The following ATP23 variants were observed in gnomAD, a reference collection of about 807,000 sequenced individuals.
ATP23 encodes the protein ATP23 metallopeptidase and ATP synthase assembly factor homolog, also known as mitochondrial inner membrane protease ATP23 homolog.
Under a neutral mutation model 28.5 loss-of-function variants are expected in ATP23, and 24 were observed. That is an observed-to-expected ratio of 0.84 (90% CI 0.61 to 1.18). The LOEUF is 1.18. Ranked by LOEUF, ATP23 falls within the 50% of genes most tolerant of loss-of-function variation. ATP23 has a pLI of 0.00. For missense variants in ATP23, 274 were observed against 306.4 expected (o/e 0.89, Z 0.79); for synonymous variants, 99 against 108.6 (o/e 0.91, Z 0.55).
chr12:57,956,370 G>T (rs143683495), intron 5 of ATP23, among the ~76,000 whole-genome samples: 1,667 of 145,160 alleles, frequency 0.011, 36 homozygotes, highest in African/African-American at 0.04. Context: ...TTTTTTTTTG[G>T]CGAGTTTGCA....
chr12:57,942,906 T>C (rs1156763517), intron 1 of ATP23, among the ~76,000 whole-genome samples: 2 of 152,210 alleles, frequency 1.3e-5, no homozygotes, highest in Non-Finnish European at 2.9e-5. Flanking sequence ...TTCCTTTACA[T>C]TGACATAGAC....
chr12:57,955,319 G>C (rs951720312), intron 5 of ATP23, among the ~76,000 whole-genome samples: 2 of 142,260 alleles, frequency 1.4e-5, no homozygotes, highest in Admixed American at 1.4e-4. Context: ...CTTTGTGATA[G>C]GTTTGTGATG....
At chr12:57,948,606 A>G (rs1304482455) in intron 3 of ATP23, among the ~76,000 whole-genome samples, 1 of 152,078 alleles carries the variant, frequency 6.6e-6, no homozygotes, top group Middle Eastern at 3.2e-3. Flanking sequence ...GAAAATTTTT[A>G]TTATGAAGTA....
Position 57,941,679 on chromosome 12 carries a change from C to T in ATP23, c.-23C>T. The T allele has an allele frequency of 1.3e-6, 2 of 1,598,186 alleles. No individual in the cohort carries two copies. The highest frequency in any genetic ancestry group is 1.7e-6 in the Non-Finnish European group (2 of 1,172,990). On this transcript the variant is annotated 5_prime_UTR_variant, in exon 1 of 6. Transcript: ENST00000300145. Reference sequence around the variant, plus strand: ...TCTGGCCGCCTGAGCCAGGAGGAAGCAGCGGCGAGGTCTGCGGGAGGCATG... The same window carrying T: ...TCTGGCCGCCTGAGCCAGGAGGAAGTAGCGGCGAGGTCTGCGGGAGGCATG...
At chr12:57,947,165 G>A (rs1956770751) in intron 3 of ATP23, 89 bp downstream of exon 3, 1 of 1,275,830 alleles carries the variant, frequency 7.8e-7, no homozygotes, top group Non-Finnish European at 1.1e-6. Flanking sequence ...CATTCTGTTT[G>A]GTAGACTTTA....
chr12:57,944,773 G>C (rs34238095), intron 1 of ATP23, among the ~76,000 whole-genome samples: 19,602 of 152,256 alleles, frequency 0.13, 2,184 homozygotes, highest in African/African-American at 0.3. Context: ...CTTGAAAGTA[G>C]TGTGGTCCTA....
rs758073911 is a variant in ATP23 at position 57,956,705 on chromosome 12, G to A, written c.556G>A (p.Ala186Thr). ...QHHQTCVRDR[A>T]TLSILAVRNI... The stretch of plus-strand genomic sequence containing the variant: ...TTTTTAGACTTGTGTGCGAGACAGA[G>A]CCACTCTTTCTATCCTGGCTGTTAG... Residue 186 changes from alanine to threonine, a missense_variant, in exon 6 of 6, where the codon GCC becomes ACC. Ala to Thr is a moderately conservative substitution (Grantham distance 58). Transcript: ENST00000300145. 8.7e-6 allele frequency: 14 copies of A among 1,613,314 alleles called. 1 individual carries two copies. The South Asian group carries it at 1.5e-4, about 18-fold the overall frequency.
chr12:57,946,117 C>T (rs776354457), intron 2 of ATP23, among the ~76,000 whole-genome samples: 13 of 152,130 alleles, frequency 8.5e-5, no homozygotes, highest in Admixed American at 2.6e-4. Flanking sequence ...CCACCCACCT[C>T]GGCCTCCCAA....
chr12:57,941,705 G>A lies in ATP23; in HGVS notation c.4G>A (p.Ala2Thr). Residue 2 changes from alanine to threonine, a missense_variant, in exon 1 of 6, where the codon GCG becomes ACG. Transcript: ENST00000300145. ...AGCGGCGAGGTCTGCGGGAGGCATG[G>A]CGGGAGCTCCGGACGAGCGCCGGCG... M[A>T]GAPDERRRGP... 6.2e-7 allele frequency: 1 copy of A among 1,603,948 alleles called. No homozygotes were observed. Among genetic ancestry groups the A allele is most frequent in the South Asian group, 1.1e-5 (1 of 89,960 alleles).
chr12:57,946,949 A>G (rs1436148569), intron 2 of ATP23, 46 bp from the exon 3 acceptor site: 2 of 1,590,836 alleles, frequency 1.3e-6, no homozygotes, highest in Non-Finnish European at 1.7e-6. Flanking sequence ...GCTGTTTGCC[A>G]CATACACACT....
rs1048238322 is a variant in ATP23, at chr12:57,958,568, C to G, written c.*1678C>G. ...ACGGTTCACATCACAGGATTCTGTG[C>G]AGGCAACCCCCAGTACCAGCATGGA... On this transcript the variant is annotated 3_prime_UTR_variant, in exon 6 of 6. Transcript: ENST00000300145. Among the ~76,000 whole-genome samples the G allele has an allele frequency of 2.6e-5, 4 of 152,214 alleles. No homozygotes were observed. Among genetic ancestry groups the G allele is most frequent in the East Asian group, 3.9e-4 (2 of 5,188 alleles).
intron 1 of ATP23, among the ~76,000 whole-genome samples, chr12:57,944,740 T>G (rs1277390008): frequency 6.6e-6 from 1 of 152,234 alleles, no homozygotes; most frequent in African/African-American, 2.4e-5. Flanking sequence ...CTGAATCTAG[T>G]CCCACATGGC....
At chr12:57,955,141 C>T (rs1181013852) in intron 5 of ATP23, among the ~76,000 whole-genome samples, 3 of 151,736 alleles carry the variant, frequency 2.0e-5, no homozygotes, top group Non-Finnish European at 2.9e-5. Flanking sequence ...TTATGGATAT[C>T]TGCTCTTGTC....
chr12:57,941,792 C>T lies in ATP23; in HGVS notation c.91C>T (p.Arg31Cys), dbSNP rs1347760333. The T allele has an allele frequency of 1.9e-6, 3 of 1,609,334 alleles. No individual in the cohort carries two copies. The highest frequency in any genetic ancestry group is 1.7e-5 in the Admixed American group (1 of 58,924). ...QHVSCQVFPE[R>C]LAQGNPQQGF... ...CGTCTCTTGCCAGGTCTTCCCCGAGCGTCTGGCCCAGGGGAATCCCCAGCA... is the reference window on the plus strand; with the variant it reads ...CGTCTCTTGCCAGGTCTTCCCCGAGTGTCTGGCCCAGGGGAATCCCCAGCA... Residue 31 changes from arginine to cysteine, a missense_variant, in exon 1 of 6, where the codon CGT becomes TGT. By Grantham distance (180) the Arg-to-Cys change is radical (BLOSUM62 -3). Coordinates refer to ENST00000300145, the MANE Select transcript of ATP23 (RefSeq NM_033276.4).
At chr12:57,953,488 T>G (rs1956834195) in intron 4 of ATP23, 118 bp from the exon 5 acceptor site, 5 of 826,382 alleles carry the variant, frequency 6.1e-6, no homozygotes, top group Non-Finnish European at 9.3e-6. Flanking sequence ...CAAATACTCT[T>G]TTCTCAGACA....
At chr12:57,953,814 GT>G in intron 5 of ATP23, 125 bp downstream of exon 5, 1 of 834,718 alleles carries the variant, frequency 1.2e-6, no homozygotes, top group Non-Finnish European at 1.9e-6. Context: ...AGAATACAAA[GT>G]ATGTACCATT....
At chr12:57,950,166 A>G (rs1956800793) in intron 3 of ATP23, among the ~76,000 whole-genome samples, 1 of 152,198 alleles carries the variant, frequency 6.6e-6, no homozygotes, top group Non-Finnish European at 1.5e-5. Flanking sequence ...GATAAAAGCA[A>G]AATAAAACAA....
At chr12:57,943,556 C>A (rs1956728870) in intron 1 of ATP23, among the ~76,000 whole-genome samples, 4 of 152,026 alleles carry the variant, frequency 2.6e-5, no homozygotes. Context: ...TGGCTCATGC[C>A]TGCAGTCCCA....
At position 57,941,843 on chromosome 12, in the gene ATP23, A is replaced by T. The variant is rs3751325; in HGVS notation, c.142A>T (p.Ser48Cys). 0.33 allele frequency: 532,590 copies of T among 1,611,990 alleles called. 93,998 individuals are homozygous for T. The highest frequency in any genetic ancestry group is 0.69 in the East Asian group (30,990 of 44,644). ...AGGGTTCTTCTCCAGCTTCTTCACC[A>T]GCAACCAGAAGTGCCAGCTTAGGCT... ...QQGFFSSFFT[S>C]NQKCQLRLLK... The change falls in exon 1 of 6, where the codon AGC becomes TGC. Residue 48 changes from serine to cysteine, a missense_variant. Ser to Cys is a moderately radical substitution (Grantham distance 112). Transcript: ENST00000300145.
Sources: allele counts gnomAD v4.1 joint callset (sites outside exome capture counted in the v4.1 genomes callset), GRCh38; gene constraint gnomAD v4.1.1; transcripts MANE v1.5; gene names NCBI Gene and HGNC (gene_info 2026-07-23, HGNC 2026-07-21).